Variants in PON1 observed in about 807,000 individuals in gnomAD.
PON1 encodes serum paraoxonase/arylesterase 1.
Under a neutral mutation model 39.2 loss-of-function variants are expected in PON1, and 37 were observed. That is an observed-to-expected ratio of 0.94 (90% CI 0.73 to 1.24). PON1 has a LOEUF of 1.24. Ranked by LOEUF, PON1 falls within the 50% of genes most tolerant of loss-of-function variation. PON1 has a pLI of 0.00. For synonymous variants in PON1, 148 were observed against 152.2 expected (o/e 0.97, Z 0.21); for missense variants, 397 against 413.5 (o/e 0.96, Z 0.35).
chr7:95,300,011 A>G (rs549773135), intron 8 of PON1, among the ~76,000 whole-genome samples: 2 of 151,552 alleles, frequency 1.3e-5, no homozygotes, highest in South Asian at 2.1e-4. Context: ...TCAAAAAACC[A>G]TATCTGTGTA....
chr7:95,318,206 G>T, intron 2 of PON1, 117 bp downstream of exon 2: 1 of 813,460 alleles, frequency 1.2e-6, no homozygotes. Context: ...AACTACCACT[G>T]ACTCTCCTGA....
chr7:95,306,990 TA>T (rs1807555615), intron 6 of PON1, among the ~76,000 whole-genome samples: 1 of 152,030 alleles, frequency 6.6e-6, no homozygotes, highest in Non-Finnish European at 1.5e-5. Context: ...TATGAATAAT[TA>T]AAAGCTGTCC....
chr7:95,298,805 A>T lies in PON1; in HGVS notation c.*139T>A. On this transcript the variant is annotated 3_prime_UTR_variant, in exon 9 of 9. Coordinates refer to ENST00000222381, the MANE Select transcript of PON1 (RefSeq NM_000446.7). ...CCTACACATCATATCACTCCCAGTT[A>T]AACAGTGCTTTGATGCTTCATGATG... 1 of 1,051,560 alleles carries T rather than the reference A, an allele frequency of 9.5e-7. No homozygotes were observed. The allele number at this position is 1,051,560 out of a possible 1,614,324, so 65.1% of individuals were successfully genotyped here. A position where few individuals can be genotyped will look rare whatever the true frequency, so the allele number is the denominator to read the frequency against.
chr7:95,315,986 T>C (rs1807759941), intron 3 of PON1, among the ~76,000 whole-genome samples: 1 of 152,214 alleles, frequency 6.6e-6, no homozygotes, highest in African/African-American at 2.4e-5. Context: ...TGTTCCCATA[T>C]AAGATTTTGC....
intron 1 of PON1, among the ~76,000 whole-genome samples, chr7:95,324,173 A>ACCCCCTC (rs1807961690): frequency 6.6e-6 from 1 of 152,090 alleles, no homozygotes; most frequent in African/African-American, 2.4e-5. Flanking sequence ...GGGCACTCAC[A>ACCCCCTC]CCCCTGGCAA....
At chr7:95,320,225 T>C (rs2299260) in intron 1 of PON1, among the ~76,000 whole-genome samples, 33,453 of 152,176 alleles carry the variant, frequency 0.22, 4,034 homozygotes, top group African/African-American at 0.32. Flanking sequence ...AGAATACTCA[T>C]GCTGCCTGAC....
At chr7:95,300,488 C>T (rs562222088) in intron 8 of PON1, among the ~76,000 whole-genome samples, 1 of 152,316 alleles carries the variant, frequency 6.6e-6, no homozygotes, top group South Asian at 2.1e-4. Flanking sequence ...CTCTTAAAAA[C>T]AGCTGGCACC....
rs928440349 is a variant in PON1 at position 95,302,291 on chromosome 7, G to C, written c.823C>G (p.Pro275Ala). The C allele has an allele frequency of 3.1e-6, 5 of 1,607,960 alleles. No homozygotes were observed. In the African/African-American group the frequency reaches 6.7e-5, roughly 22 times the overall value. ...CCAACCCAAAGGTCTCCTGTCTCAG[G>C]ATCCACAGATATGTTATCCACGAGG... ...NTLVDNISVD[P>A]ETGDLWVGCH... The change falls in exon 8 of 9, where the codon CCT becomes GCT. Residue 275 changes from proline (P) to alanine (A), a missense_variant. Pro to Ala is a conservative substitution (Grantham distance 27). Transcript: ENST00000222381.
chr7:95,299,191 A>G, intron 8 of PON1, 89 bp from the exon 9 acceptor site: 3 of 1,293,560 alleles, frequency 2.3e-6, no homozygotes, highest in South Asian at 1.2e-5. Context: ...ATAAGAAGCC[A>G]TATAATCTTA....
chr7:95,304,327 C>CTTTTTT (rs34709624), intron 7 of PON1, among the ~76,000 whole-genome samples: 7 of 109,510 alleles, frequency 6.4e-5, no homozygotes, highest in Admixed American at 2.0e-4. Context: ...AACTTCATTC[C>CTTTTTT]TTTTTTTTTT....
intron 8 of PON1, among the ~76,000 whole-genome samples, chr7:95,300,625 T>G (rs564003548): frequency 1.5e-4 from 23 of 152,322 alleles, no homozygotes; most frequent in Admixed American, 1.1e-3. Context: ...CTAGGGGCAG[T>G]GCATTGGATA....
At chr7:95,313,900 A>G (rs1366137309) in intron 4 of PON1, among the ~76,000 whole-genome samples, 3 of 152,160 alleles carry the variant, frequency 2.0e-5, no homozygotes, top group Non-Finnish European at 4.4e-5. Flanking sequence ...TAGAGGAAGT[A>G]AAAGATCAAA....
chr7:95,318,692 T>C, intron 1 of PON1: 1 of 329,298 alleles, frequency 3.0e-6, no homozygotes, highest in Admixed American at 4.3e-5. Flanking sequence ...GTGTAAGGAC[T>C]CCTAGGTGGA....
At chr7:95,317,183 A>G (rs1331227311) in intron 2 of PON1, among the ~76,000 whole-genome samples, 1 of 152,180 alleles carries the variant, frequency 6.6e-6, no homozygotes, top group African/African-American at 2.4e-5. Context: ...TTCCAAATCA[A>G]TTAAACCCTT....
chr7:95,316,780 G>A lies in PON1; in HGVS notation c.155C>T (p.Ser52Phe), dbSNP rs1161525871. Residue 52 changes from serine (S) to phenylalanine (F), a missense_variant, in exon 3 of 9, where the codon TCT becomes TTT. Coordinates refer to ENST00000222381, the MANE Select transcript of PON1 (RefSeq NM_000446.7). Reference sequence around the variant, plus strand: ...ATTAGGCAGTATCTCCAAGTCTTCAGAGCCAGTTTCTGCCAGAAAAGAGAA... The same window carrying A: ...ATTAGGCAGTATCTCCAAGTCTTCAAAGCCAGTTTCTGCCAGAAAAGAGAA... ...CNLVKGIETG[S>F]EDLEILPNGL... 5 of 1,612,938 alleles carry A rather than the reference G, an allele frequency of 3.1e-6. No homozygotes were observed. Among genetic ancestry groups the A allele is most frequent in the Non-Finnish European group, 4.2e-6 (5 of 1,178,956 alleles).
At chr7:95,305,314 C>G (rs1807516483) in intron 7 of PON1, among the ~76,000 whole-genome samples, 1 of 152,110 alleles carries the variant, frequency 6.6e-6, no homozygotes. Flanking sequence ...TCTCTTTTTC[C>G]TCTCCTTTGT....
At chr7:95,318,510 C>T (rs765760960) in intron 1 of PON1, 117 bp from the exon 2 acceptor site, 20 of 914,540 alleles carry the variant, frequency 2.2e-5, no homozygotes, top group Non-Finnish European at 3.0e-5. Flanking sequence ...GTTTCAACTC[C>T]AGAGTTTTTC....
intron 2 of PON1, 107 bp from the exon 3 acceptor site, chr7:95,316,896 CTTT>C: frequency 1.2e-6 from 1 of 811,410 alleles, no homozygotes; most frequent in Non-Finnish European, 2.2e-6. Flanking sequence ...CATCACTCTT[CTTT>C]AATAGGTTCA....
chr7:95,308,169 G>T lies in PON1; in HGVS notation c.540C>A (p.Gly180=). Residue 180 remains glycine, a synonymous_variant, in exon 6 of 9, where the codon GGC becomes GGA. Transcript: ENST00000222381. ...GGTCAAGAAAATAGTGATCATTTGT[G>T]CCATAAAAGTGCTCAGGTCCCACAG... ...IVAVGPEHFY[G]TNDHYFLDPY... The T allele has an allele frequency of 6.2e-7, 1 of 1,614,062 alleles. No individual in the cohort carries two copies. The highest frequency in any genetic ancestry group is 8.5e-7 in the Non-Finnish European group (1 of 1,179,998).
Sources: allele counts gnomAD v4.1 joint callset (sites outside exome capture counted in the v4.1 genomes callset), GRCh38; gene constraint gnomAD v4.1.1; transcripts MANE v1.5; gene names NCBI Gene and HGNC (gene_info 2026-07-23, HGNC 2026-07-21).